Variants in CORO7 observed in about 807,000 individuals in gnomAD.
CORO7 encodes coronin-7.
Under a neutral mutation model 126.6 loss-of-function variants are expected in CORO7, and 107 were observed. The observed-to-expected ratio is 0.85, with a 90% CI of 0.72 to 0.99. CORO7 has a LOEUF of 0.99. Among genes scored for constraint, CORO7 ranks in the 50% least tolerant of loss-of-function variants. CORO7 has a pLI of 0.00. For synonymous variants in CORO7, 603 were observed against 536.8 expected, an observed-to-expected ratio of 1.12 and a Z score of -1.70; for missense variants, 1,314 against 1,255.8, an observed-to-expected ratio of 1.05 and a Z score of -0.70.
intron 9 of CORO7, chr16:4,381,489 G>C: frequency 6.3e-7 from 1 of 1,587,286 alleles, no homozygotes; most frequent in Non-Finnish European, 8.6e-7. Flanking sequence ...GTCTGGGGCT[G>C]CAGCAGCTGG....
At chr16:4,405,216 G>A (rs962199700) in intron 6 of CORO7, among the ~76,000 whole-genome samples, 3 of 152,190 alleles carry the variant, frequency 2.0e-5, no homozygotes, top group African/African-American at 4.8e-5. Context: ...CCAGACAGGC[G>A]GCCAGAGGAG....
At chr16:4,407,290 A>C (rs993417582) in intron 5 of CORO7, among the ~76,000 whole-genome samples, 1 of 152,150 alleles carries the variant, frequency 6.6e-6, no homozygotes, top group Middle Eastern at 3.4e-3. Flanking sequence ...AAAAAAAAAA[A>C]CAGGTAAGAG....
chr16:4,394,043 G>T (rs556010182), intron 7 of CORO7, among the ~76,000 whole-genome samples: 97 of 152,170 alleles, frequency 6.4e-4, no homozygotes, highest in African/African-American at 2.0e-3. Context: ...GGAGTTTCCA[G>T]CGAGCCGAGA....
At chr16:4,409,439 G>A (rs1010773067) in intron 3 of CORO7, among the ~76,000 whole-genome samples, 1 of 152,230 alleles carries the variant, frequency 6.6e-6, no homozygotes. Flanking sequence ...TGAATGAGAT[G>A]TGATGACATA....
intron 9 of CORO7, among the ~76,000 whole-genome samples, chr16:4,368,892 G>A (rs911301566): frequency 6.6e-6 from 1 of 152,216 alleles, no homozygotes; most frequent in African/African-American, 2.4e-5. Context: ...TGGGAGGAGT[G>A]GAAACAGGTG....
chr16:4,394,745 G>C (rs1323598789), intron 7 of CORO7, among the ~76,000 whole-genome samples: 1 of 152,250 alleles, frequency 6.6e-6, no homozygotes, highest in Non-Finnish European at 1.5e-5. Flanking sequence ...CAAGGTCTCT[G>C]TAGGGCAAAT....
chr16:4,398,490 AC>A (rs1331169489), intron 6 of CORO7, among the ~76,000 whole-genome samples: 44 of 151,812 alleles, frequency 2.9e-4, no homozygotes, highest in African/African-American at 1.0e-3. Flanking sequence ...ACATGGTGAA[AC>A]CCCGTCTCTA....
intron 9 of CORO7, chr16:4,382,262 G>T: frequency 1.2e-6 from 2 of 1,608,406 alleles, no homozygotes; most frequent in Non-Finnish European, 1.7e-6. Flanking sequence ...AGGCCACCAC[G>T]GTCCCTGACC....
rs1199932129 is a variant in CORO7 at position 4,364,885 on chromosome 16, C to A, written c.934G>T (p.Ala312Ser). The A allele has an allele frequency of 1.9e-6, 3 of 1,611,436 alleles. No individual in the cohort carries two copies. The highest frequency in any genetic ancestry group is 1.7e-6 in the Non-Finnish European group (2 of 1,179,452). The change falls in exon 12 of 28, where the codon GCT becomes TCT. Residue 312 changes from alanine to serine, a missense_variant. Transcript: ENST00000251166. ...AGCGCCTGCCGGGGCACAAGGGCAGCCCCACGCAGCACGCTCTCCAGGACA... is the reference window on the plus strand; with the variant it reads ...AGCGCCTGCCGGGGCACAAGGGCAGACCCACGCAGCACGCTCTCCAGGACA... ...QCVLESVLRG[A>S]ALVPRQALAV...
At chr16:4,383,562 G>A (rs2055081896) in intron 9 of CORO7, 2 of 166,348 alleles carry the variant, frequency 1.2e-5, no homozygotes, top group African/African-American at 4.8e-5. Context: ...AGGGCTGGGT[G>A]GAGGGAGATG....
In CORO7 at chr16:4,359,600, G is replaced by A. The variant is rs749496892; in HGVS notation, c.2130C>T (p.Leu710=). Residue 710 remains leucine, a synonymous_variant, in exon 22 of 28, where the codon CTC becomes CTT. Coordinates refer to ENST00000251166, the MANE Select transcript of CORO7 (RefSeq NM_024535.5). The part of the protein sequence containing the change: ...GFDSQSERQL[L]LYEAEALAGG... Reference sequence around the variant, plus strand: ...CGGCCAGGGCCTCAGCTTCATATAGGAGCAGCTGGCGCTCACTTTGGCTGC... The same window carrying A: ...CGGCCAGGGCCTCAGCTTCATATAGAAGCAGCTGGCGCTCACTTTGGCTGC... 1.2e-6 allele frequency: 2 copies of A among 1,604,606 alleles called. No homozygotes were observed. The highest frequency in any genetic ancestry group is 1.7e-5 in the Admixed American group (1 of 59,448).
At chr16:4,413,133 G>A (rs944291599) in intron 2 of CORO7, among the ~76,000 whole-genome samples, 175 bp downstream of exon 2, 6 of 152,086 alleles carry the variant, frequency 3.9e-5, no homozygotes, top group Admixed American at 6.6e-5. Context: ...AGATTACTGC[G>A]CCTGGACCAG....
chr16:4,357,239 C>T lies in CORO7; in HGVS notation c.2614G>A (p.Ala872Thr). ...GAGGATGGGGCCCGACGAGCAGGGG[C>T]CTCTCGGGGGGCTTGGCTCACTGGG... ...MSPVSQAPREAPARRAPSSAQ... is the reference protein window; with the variant it reads ...MSPVSQAPRETPARRAPSSAQ... Residue 872 changes from alanine (A) to threonine (T), a missense_variant, in exon 26 of 28, where the codon GCC (alanine) becomes ACC (threonine). Ala to Thr is a moderately conservative substitution (Grantham distance 58). Coordinates refer to ENST00000251166, the MANE Select transcript of CORO7 (RefSeq NM_024535.5). 1 of 1,613,554 alleles carries T rather than the reference C, an allele frequency of 6.2e-7. No homozygotes were observed. The highest frequency in any genetic ancestry group is 8.5e-7 in the Non-Finnish European group (1 of 1,179,882).
intron 2 of CORO7, 135 bp downstream of exon 2, chr16:4,413,173 C>G (rs1420474087): frequency 3.5e-6 from 3 of 864,220 alleles, no homozygotes; most frequent in East Asian, 5.5e-5. Context: ...TGGCATGGGG[C>G]TCACCTCTGA....
intron 6 of CORO7, among the ~76,000 whole-genome samples, chr16:4,398,662 T>C (rs1033740711): frequency 7.2e-6 from 1 of 139,824 alleles, no homozygotes; most frequent in Non-Finnish European, 1.5e-5. Flanking sequence ...CAAGACTCCA[T>C]CTGAAAAAAA....
chr16:4,359,761 A>G (rs1320549866), intron 21 of CORO7, 140 bp from the exon 22 acceptor site: 3 of 1,099,310 alleles, frequency 2.7e-6, no homozygotes, highest in Non-Finnish European at 3.8e-6. Context: ...GCCACATCCT[A>G]ACCTGCCCCT....
intron 6 of CORO7, among the ~76,000 whole-genome samples, chr16:4,402,276 G>C (rs1476591134): frequency 1.3e-5 from 2 of 150,924 alleles, no homozygotes; most frequent in Admixed American, 6.6e-5. Context: ...TTTTTTAAGA[G>C]AGAGGGTCTT....
In CORO7 at chr16:4,397,624, T is replaced by G. The variant is rs558662536; in HGVS notation, c.565-2285A>C. Reference sequence around the variant, plus strand: ...ATTTCTCTCTTTTTGTATTTGTTTTTGTTTTTGAGATGGAGTTTCATTCTT... The same window carrying G: ...ATTTCTCTCTTTTTGTATTTGTTTTGGTTTTTGAGATGGAGTTTCATTCTT... On this transcript the variant is annotated intron_variant, in intron 6 of 27. Coordinates refer to ENST00000251166, the MANE Select transcript of CORO7 (RefSeq NM_024535.5). 9.2e-5 allele frequency among the ~76,000 whole-genome samples: 14 copies of G among 152,230 alleles called. 1 individual carries two copies. In the South Asian group the frequency reaches 2.5e-3, roughly 27 times the overall value.
At chr16:4,416,000 C>A in intron 1 of CORO7, 1 of 526,528 alleles carries the variant, frequency 1.9e-6, no homozygotes, top group Non-Finnish European at 2.4e-6. Context: ...CACACTTGGG[C>A]TCGCCGGGGC....
Sources: allele counts gnomAD v4.1 joint callset (sites outside exome capture counted in the v4.1 genomes callset), GRCh38; gene constraint gnomAD v4.1.1; transcripts MANE v1.5; gene names NCBI Gene and HGNC (gene_info 2026-07-23, HGNC 2026-07-21).